The following PCDHA1 variants were observed in gnomAD, a reference collection of about 807,000 sequenced individuals.
The protein encoded by PCDHA1 is protocadherin alpha-1.
Under a neutral mutation model 61.3 loss-of-function variants are expected in PCDHA1, and 42 were observed. The ratio of observed to expected loss-of-function variants is 0.69; its 90% CI spans 0.54 to 0.89. The LOEUF is 0.89. Ranked by LOEUF, PCDHA1 falls within the 40% of genes least tolerant of loss-of-function variation. The pLI, the probability that PCDHA1 is intolerant of heterozygous loss-of-function variation, is 0.00. For synonymous variants in PCDHA1, 610 were observed against 553.8 expected, an observed-to-expected ratio of 1.10 and a Z score of -1.43; for missense variants, 1,256 against 1,235.3, an observed-to-expected ratio of 1.02 and a Z score of -0.25.
At chr5:140,827,304 G>A (rs2150147020) in intron 1 of PCDHA1, among the ~76,000 whole-genome samples, 2 of 152,160 alleles carry the variant, frequency 1.3e-5, no homozygotes, top group East Asian at 1.9e-4. Flanking sequence ...AAAGCACAAT[G>A]GGTAGAAATT....
intron 1 of PCDHA1, among the ~76,000 whole-genome samples, chr5:140,969,974 A>G (rs11750201): frequency 0.017 from 2,514 of 152,228 alleles, 25 homozygotes; most frequent in Middle Eastern, 0.037. Flanking sequence ...TGATGTGGCA[A>G]CTCTTCTGTA....
chr5:140,861,110 T>C (rs2046757682), intron 1 of PCDHA1: 1 of 152,560 alleles, frequency 6.6e-6, no homozygotes, highest in Non-Finnish European at 1.5e-5. Flanking sequence ...CTTTAAAAAC[T>C]ACAAACACCC....
At position 140,787,505 on chromosome 5, in the gene PCDHA1, C is replaced by T. The variant is rs1761376093; in HGVS notation, c.1215C>T (p.Tyr405=). The T allele has an allele frequency of 6.2e-7, 1 of 1,614,224 alleles. No homozygotes were observed. The highest frequency in any genetic ancestry group is 8.5e-7 in the Non-Finnish European group (1 of 1,180,040). The change falls in exon 1 of 4, where the codon TAC becomes TAT. Residue 405 remains tyrosine (Y), a synonymous_variant. Coordinates refer to ENST00000504120, the MANE Select transcript of PCDHA1 (RefSeq NM_018900.4). ...FKLVSTFKNY[Y]SLVLDSALDR... ...TGGTGTCCACCTTCAAGAATTACTA[C>T]TCGTTGGTGTTGGACAGCGCCCTGG...
chr5:140,808,370 T>C (rs1156251617), intron 1 of PCDHA1: 3 of 1,614,086 alleles, frequency 1.9e-6, no homozygotes, highest in Non-Finnish European at 2.5e-6. Context: ...CCACGTCCCC[T>C]TCAAGCTGGT....
chr5:140,877,867 T>A lies in PCDHA1; in HGVS notation c.2394+89183T>A, dbSNP rs782120587. 4.7e-6 allele frequency: 7 copies of A among 1,490,888 alleles called. No individual in the cohort carries two copies. The Admixed American group carries it at 1.7e-4, about 37-fold the overall frequency. 92.4% of individuals were successfully genotyped at this position (1,490,888 alleles called of 1,614,324 possible). A position where few individuals can be genotyped will look rare whatever the true frequency, so the allele number is the denominator to read the frequency against. On this transcript the variant is annotated intron_variant, in intron 1 of 3. Coordinates refer to ENST00000504120, the MANE Select transcript of PCDHA1 (RefSeq NM_018900.4). ...AAGTTATTAATATTATTTAGATATA[T>A]TTGTTTCCTTGAAGAACTTCCGTTT...
At chr5:140,807,703 G>A (rs1554124212) in intron 1 of PCDHA1, 2 of 1,614,208 alleles carry the variant, frequency 1.2e-6, no homozygotes, top group South Asian at 1.1e-5. Flanking sequence ...CTTACAGACT[G>A]AGCCCAAATG....
chr5:140,925,208 T>C (rs1201764361), intron 1 of PCDHA1, among the ~76,000 whole-genome samples: 2 of 152,190 alleles, frequency 1.3e-5, no homozygotes, highest in African/African-American at 4.8e-5. Context: ...TAATTATCGA[T>C]ACTTTTAGGC....
rs1554162252 is a variant in PCDHA1 at position 140,868,854 on chromosome 5, T to A, written c.2394+80170T>A. ...ACCCAAAACACGTGAAATTCTGTGG[T>A]GGTAAATGCAGTGCACAGTACTCAC... On this transcript the variant is annotated intron_variant, in intron 1 of 3. Coordinates refer to ENST00000504120, the MANE Select transcript of PCDHA1 (RefSeq NM_018900.4). 8.6e-6 allele frequency: 4 copies of A among 465,988 alleles called. 1 individual carries two copies. The highest frequency in any genetic ancestry group is 1.4e-5 in the Non-Finnish European group (4 of 277,116). The allele number at this position is 465,988 out of a possible 1,614,324, so 28.9% of individuals were successfully genotyped here. A position where few individuals can be genotyped will look rare whatever the true frequency, so the allele number is the denominator to read the frequency against.
intron 1 of PCDHA1, chr5:140,862,965 C>G (rs1358517266): frequency 1.8e-6 from 1 of 543,786 alleles, no homozygotes; most frequent in Admixed American, 1.9e-5. Flanking sequence ...TCAGTGGATG[C>G]AGGCCACTTG....
At chr5:140,850,305 A>T in intron 1 of PCDHA1, 1 of 1,596,974 alleles carries the variant, frequency 6.3e-7, no homozygotes, top group African/African-American at 1.3e-5. Flanking sequence ...CTCGGGCTAC[A>T]ACGCGTGGCT....
chr5:140,797,432 A>T, intron 1 of PCDHA1: 1 of 1,416,960 alleles, frequency 7.1e-7, no homozygotes, highest in Non-Finnish European at 9.7e-7. Flanking sequence ...AGTTATTTAG[A>T]TTCATAGTTC....
intron 1 of PCDHA1, among the ~76,000 whole-genome samples, chr5:140,891,797 C>A (rs2063254101): frequency 6.6e-6 from 1 of 152,136 alleles, no homozygotes; most frequent in Non-Finnish European, 1.5e-5. Context: ...TATGAGGGAT[C>A]TGCCCTCATG....
At chr5:140,810,395 T>C (rs1764651195) in intron 1 of PCDHA1, 1 of 152,204 alleles carries the variant, frequency 6.6e-6, no homozygotes, top group East Asian at 1.9e-4. Flanking sequence ...TCTTTGTCTT[T>C]TGTAGCTAAC....
At chr5:140,969,038 A>G in intron 1 of PCDHA1, 1 of 1,614,148 alleles carries the variant, frequency 6.2e-7, no homozygotes, top group South Asian at 1.1e-5. Context: ...AGAACTGTAC[A>G]AACAAGCCAA....
At chr5:140,991,109 C>A (rs987847767) in intron 3 of PCDHA1, among the ~76,000 whole-genome samples, 1 of 152,156 alleles carries the variant, frequency 6.6e-6, no homozygotes, top group Non-Finnish European at 1.5e-5. Flanking sequence ...AATTAAGTGG[C>A]TTTCTTACAT....
chr5:140,876,127 A>G lies in PCDHA1; in HGVS notation c.2394+87443A>G, dbSNP rs782626047. 2.5e-6 allele frequency: 4 copies of G among 1,613,984 alleles called. No homozygotes were observed. The South Asian group carries it at 3.3e-5, about 13-fold the overall frequency. ...ATTGCTGATGGTAATCGATGGCGGTAAACCAGAACTAACAGGGTCTGTCCA... is the reference window on the plus strand; with the variant it reads ...ATTGCTGATGGTAATCGATGGCGGTGAACCAGAACTAACAGGGTCTGTCCA... On this transcript the variant is annotated intron_variant, in intron 1 of 3. Coordinates refer to ENST00000504120, the MANE Select transcript of PCDHA1 (RefSeq NM_018900.4).
chr5:140,905,771 G>A lies in PCDHA1; in HGVS notation c.2395-73178G>A, dbSNP rs112500166. ...TCACCTCCTTGGTTAAGTATATTCC[G>A]AAGTGTATTAGTCAGGGTTCTCTAG... is the stretch of plus-strand genomic sequence containing the variant. On this transcript the variant is annotated intron_variant, in intron 1 of 3. Coordinates refer to ENST00000504120, the MANE Select transcript of PCDHA1 (RefSeq NM_018900.4). Among the ~76,000 whole-genome samples the A allele has an allele frequency of 4.4e-3, 670 of 152,104 alleles. 7 individuals are homozygous for A. Among genetic ancestry groups the A allele is most frequent in the African/African-American group, 0.015 (623 of 41,484 alleles).
chr5:140,997,132 C>A (rs1189394609), intron 3 of PCDHA1, among the ~76,000 whole-genome samples: 1 of 152,076 alleles, frequency 6.6e-6, no homozygotes, highest in Non-Finnish European at 1.5e-5. Flanking sequence ...CACAATGCCC[C>A]CACACCCCCG....
chr5:140,941,191 T>TTTC (rs1487503403), intron 1 of PCDHA1, among the ~76,000 whole-genome samples: 199 of 93,252 alleles, frequency 2.1e-3, no homozygotes, highest in Middle Eastern at 0.015. Flanking sequence ...GCTTCTTTTT[T>TTTC]TTTCTTTCTT....
Sources: allele counts gnomAD v4.1 joint callset (sites outside exome capture counted in the v4.1 genomes callset), GRCh38; gene constraint gnomAD v4.1.1; transcripts MANE v1.5; gene names NCBI Gene and HGNC (gene_info 2026-07-23, HGNC 2026-07-21).